The following ZNF398 variants were observed in gnomAD, a reference collection of about 807,000 sequenced individuals.
ZNF398 encodes the protein zinc finger protein 398, also known as zinc finger DNA binding protein ZER6.
In ZNF398, 18 loss-of-function variants were observed where a neutral mutation model predicts 41.9. The observed-to-expected ratio is 0.43, with a 90% confidence interval of 0.30 to 0.64. The LOEUF is 0.64. Among genes scored for constraint, ZNF398 ranks in the 30% least tolerant of loss-of-function variants. The probability of loss-of-function intolerance (pLI) is 0.14; values close to 1 mark genes in which losing one functional copy is unlikely to be tolerated. For synonymous variants in ZNF398, 260 were observed against 308.8 expected (o/e 0.84, Z 1.66); for missense variants, 669 against 822.8 (o/e 0.81, Z 2.29).
chr7:149,154,446 T>C (rs1267961870), intron 2 of ZNF398, 106 bp downstream of exon 2: 37 of 1,261,380 alleles, frequency 2.9e-5, no homozygotes, highest in Non-Finnish European at 3.9e-5. Flanking sequence ...TAAAGTTTCT[T>C]AAAATATCTC....
rs764161419 is a variant in ZNF398 at position 149,179,592 on chromosome 7, A to C, written c.1720A>C (p.Arg574=). Residue 574 remains arginine, a synonymous_variant, in exon 6 of 6, where the codon AGG becomes CGG. Transcript: ENST00000475153. This position sits in a 1 kb window ranked among gnomAD's most constrained non-coding sequence, Gnocchi z 6.1. The part of the protein sequence containing the change: ...ERPYPCSYCG[R]SFRYKQTLKD... ...GCCCTACCCCTGCTCCTACTGTGGC[A>C]GGAGCTTCCGCTACAAACAGACACT... 5 of 1,614,208 alleles carry C rather than the reference A, an allele frequency of 3.1e-6. No individual in the cohort carries two copies. In the Admixed American group the frequency reaches 8.3e-5, roughly 27 times the overall value.
chr7:149,152,642 C>G (rs1252057599), intron 1 of ZNF398, among the ~76,000 whole-genome samples: 1 of 151,408 alleles, frequency 6.6e-6, no homozygotes, highest in Non-Finnish European at 1.5e-5. Flanking sequence ...TCTCGGCTCA[C>G]TGAAACCTCG....
At chr7:149,152,261 T>TTC (rs1827136220) in intron 1 of ZNF398, among the ~76,000 whole-genome samples, 1 of 52,450 alleles carries the variant, frequency 1.9e-5, no homozygotes, top group Admixed American at 2.4e-4. Context: ...CCTTAAAGAT[T>TTC]TCTTTTTTTT....
intron 1 of ZNF398, among the ~76,000 whole-genome samples, chr7:149,127,543 A>C (rs1826508317): frequency 1.1e-5 from 1 of 94,894 alleles, no homozygotes; most frequent in Non-Finnish European, 2.3e-5. Flanking sequence ...TCTCTACTAA[A>C]AATACAAAAA....
Position 149,154,128 on chromosome 7 carries a change from C to G in ZNF398, c.208C>G (p.Arg70Gly). 1.9e-6 allele frequency: 3 copies of G among 1,614,128 alleles called. No homozygotes were observed. Among genetic ancestry groups the G allele is most frequent in the Non-Finnish European group, 2.5e-6 (3 of 1,180,024 alleles). Reference protein sequence around the residue: ...HSRRLLHLEGRTGTAEKKLAS... With the variant: ...HSRRLLHLEGGTGTAEKKLAS... Reference sequence around the variant, plus strand: ...CCGGCGACTCCTACACCTGGAAGGTCGGACAGGGACAGCAGAGAAGAAACT... The same window carrying G: ...CCGGCGACTCCTACACCTGGAAGGTGGGACAGGGACAGCAGAGAAGAAACT... Residue 70 changes from arginine (R) to glycine (G), a missense_variant, in exon 2 of 6, where the codon CGG becomes GGG. Arg to Gly is a moderately radical substitution (Grantham distance 125). Coordinates refer to ENST00000475153, the MANE Select transcript of ZNF398 (RefSeq NM_170686.3).
At chr7:149,166,379 G>A (rs1297893293) in intron 3 of ZNF398, 95 bp downstream of exon 3, 1 of 1,462,774 alleles carries the variant, frequency 6.8e-7, no homozygotes, top group Non-Finnish European at 9.4e-7. Flanking sequence ...TTCTCACTCT[G>A]TCTTCACACA....
intron 4 of ZNF398, among the ~76,000 whole-genome samples, chr7:149,171,752 A>C (rs186295328): frequency 3.0e-3 from 449 of 151,998 alleles, no homozygotes; most frequent in Middle Eastern, 0.01. Context: ...GGCTCACTGC[A>C]ACCTCCGCCT....
chr7:149,182,185 G>C lies in ZNF398; in HGVS notation c.*2384G>C, dbSNP rs879005314. 1 of 152,190 alleles carries C rather than the reference G, an allele frequency of 6.6e-6. No individual in the cohort carries two copies. The highest frequency in any genetic ancestry group is 2.1e-4 in the South Asian group (1 of 4,832). 9.4% of individuals were successfully genotyped at this position (152,190 alleles called of 1,614,324 possible). A position where few individuals can be genotyped will look rare whatever the true frequency, so the allele number is the denominator to read the frequency against. ...CTGAAAGGAACTGTGTAGCCAGCAG[G>C]GACCTAAACTTTGGCAAAAAGTGAA... On this transcript the variant is annotated 3_prime_UTR_variant, in exon 6 of 6. Transcript: ENST00000475153.
rs561104240 is a variant in ZNF398 at position 149,172,996 on chromosome 7, A to C, written c.662-3472A>C. Among the ~76,000 whole-genome samples, 90 of 152,108 alleles carry C rather than the reference A, an allele frequency of 5.9e-4. 1 individual carries two copies. In the South Asian group the frequency reaches 9.7e-3, roughly 16 times the overall value. The stretch of plus-strand genomic sequence containing the variant: ...CAATCATCTGAACCTTCAGAGTCAT[A>C]ATCTTTTTGCTAGTGGCGGGTCTTG... On this transcript the variant is annotated intron_variant, in intron 4 of 5. Coordinates refer to ENST00000475153, the MANE Select transcript of ZNF398 (RefSeq NM_170686.3).
intron 2 of ZNF398, among the ~76,000 whole-genome samples, chr7:149,141,020 A>T (rs1016406624): frequency 1.5e-5 from 2 of 137,844 alleles, no homozygotes; most frequent in African/African-American, 2.7e-5. Context: ...AGCCTGCGCG[A>T]CAGAGGCACA....
At chr7:149,142,532 T>G (rs911901581), upstream of ZNF398, among the ~76,000 whole-genome samples, 1 of 152,126 alleles carries the variant, frequency 6.6e-6, no homozygotes, top group Non-Finnish European at 1.5e-5. Flanking sequence ...CCGGGCGTGG[T>G]GGCAGGCACC....
At chr7:149,133,279 A>G (rs1826635051) in intron 2 of ZNF398, among the ~76,000 whole-genome samples, 1 of 151,736 alleles carries the variant, frequency 6.6e-6, no homozygotes, top group African/African-American at 2.4e-5. Context: ...ACACCCAGAT[A>G]ACTTTTGTAT....
At chr7:149,141,547 C>T (rs567976528) in intron 2 of ZNF398, among the ~76,000 whole-genome samples, 24 of 150,868 alleles carry the variant, frequency 1.6e-4, no homozygotes, top group Admixed American at 9.3e-4. Flanking sequence ...CTCCGCCTCC[C>T]GAGTTAATGC....
intron 2 of ZNF398, among the ~76,000 whole-genome samples, chr7:149,140,041 A>C (rs1826789646): frequency 1.3e-5 from 2 of 152,044 alleles, no homozygotes; most frequent in Admixed American, 6.6e-5. Flanking sequence ...AAAATAATAA[A>C]AGTAAAATCT....
chr7:149,140,372 T>A (rs753375755), intron 2 of ZNF398, among the ~76,000 whole-genome samples: 9 of 152,134 alleles, frequency 5.9e-5, no homozygotes, highest in Non-Finnish European at 1.3e-4. Context: ...ACAGTTGCAT[T>A]CATAACAGTA....
At chr7:149,156,002 A>G (rs1333682907) in intron 2 of ZNF398, among the ~76,000 whole-genome samples, 1 of 151,974 alleles carries the variant, frequency 6.6e-6, no homozygotes, top group African/African-American at 2.4e-5. Flanking sequence ...CTGGGATTAT[A>G]GGCATGAGCC....
At chr7:149,148,761 C>T (rs1295745169) in intron 1 of ZNF398, among the ~76,000 whole-genome samples, 2 of 152,092 alleles carry the variant, frequency 1.3e-5, no homozygotes, top group Non-Finnish European at 2.9e-5. Flanking sequence ...CCCGCGGCCC[C>T]CAGGCCGCAT....
rs1156256653 is a variant in ZNF398 at position 149,180,155 on chromosome 7, C to G, written c.*354C>G. 1 of 188,266 alleles carries G rather than the reference C, an allele frequency of 5.3e-6. No homozygotes were observed. Among genetic ancestry groups the G allele is most frequent in the African/African-American group, 2.4e-5 (1 of 42,470 alleles). 11.7% of individuals were successfully genotyped at this position (188,266 alleles called of 1,614,324 possible). ...AGCAGGTTGATAGTAGATTATGTCT[C>G]TAGGTAGAGACAGATACATGAGAAG... On this transcript the variant is annotated 3_prime_UTR_variant, in exon 6 of 6. Transcript: ENST00000475153.
intron 2 of ZNF398, among the ~76,000 whole-genome samples, chr7:149,165,777 G>A (rs999476522): frequency 6.6e-6 from 1 of 152,124 alleles, no homozygotes; most frequent in Non-Finnish European, 1.5e-5. Flanking sequence ...AACAAATAGA[G>A]GAATTTGGAT....
Sources: allele counts gnomAD v4.1 joint callset (sites outside exome capture counted in the v4.1 genomes callset), GRCh38; gene constraint gnomAD v4.1.1; non-coding constraint Gnocchi (gnomAD v3.1); transcripts MANE v1.5; gene names NCBI Gene and HGNC (gene_info 2026-07-23, HGNC 2026-07-21).